The following PLBD1 variants were observed in gnomAD, a reference collection of about 807,000 sequenced individuals.
PLBD1 encodes phospholipase B domain containing 1, also known as lysosomal leucine aminopeptidase.
A neutral mutation model predicts 63.0 loss-of-function variants in PLBD1; 60 were observed. The observed-to-expected ratio is 0.95, with a 90% CI of 0.77 to 1.18. PLBD1 has a LOEUF of 1.18. Ranked by LOEUF, PLBD1 falls within the 50% of genes most tolerant of loss-of-function variation. The pLI, the probability that PLBD1 is intolerant of heterozygous loss-of-function variation, is 0.00. For synonymous variants in PLBD1, 262 were observed against 248.0 expected, an observed-to-expected ratio of 1.06 and a Z score of -0.53; for missense variants, 598 against 677.9, an observed-to-expected ratio of 0.88 and a Z score of 1.31.
intron 1 of PLBD1, chr12:14,553,837 C>T (rs753702301): frequency 8.2e-5 from 16 of 195,010 alleles, no homozygotes; most frequent in Admixed American, 2.7e-4. Context: ...TTTGACTGAG[C>T]GCTCAGCTTC....
Position 14,511,252 on chromosome 12 carries a change from G to T in PLBD1, c.1186+8C>A. The T allele has an allele frequency of 6.4e-7, 1 of 1,568,910 alleles. No homozygotes were observed. Among genetic ancestry groups the T allele is most frequent in the South Asian group, 1.2e-5 (1 of 84,576 alleles). The stretch of plus-strand genomic sequence containing the variant: ...CAGGTTTTAAGACTTACGACATGAA[G>T]AAAGTACCTTTCCGTAGAACATCAG... On this transcript the variant is annotated splice_region_variant and intron_variant, in intron 8 of 10. Coordinates refer to ENST00000240617, the MANE Select transcript of PLBD1 (RefSeq NM_024829.6).
intron 10 of PLBD1, among the ~76,000 whole-genome samples, chr12:14,505,749 T>C (rs1945249689): frequency 6.6e-6 from 1 of 152,278 alleles, no homozygotes; most frequent in Non-Finnish European, 1.5e-5. Context: ...GGAATCGCAC[T>C]GCTTGAATAA....
intron 10 of PLBD1, among the ~76,000 whole-genome samples, chr12:14,504,293 G>A (rs12423625): frequency 0.017 from 2,586 of 152,054 alleles, 133 homozygotes; most frequent in Admixed American, 0.09. Flanking sequence ...CAGGTGATCC[G>A]CCCGCCTCAG....
rs563107018 is a variant in PLBD1 at position 14,536,934 on chromosome 12, C to A, written c.559-224G>T. Among the ~76,000 whole-genome samples, 18 of 151,794 alleles carry A rather than the reference C, an allele frequency of 1.2e-4. No individual in the cohort carries two copies. The highest frequency in any genetic ancestry group is 2.4e-4 in the Non-Finnish European group (16 of 67,910). On this transcript the variant is annotated intron_variant, in intron 4 of 10. Transcript: ENST00000240617. ...CAAAACCCTGTCTCTACTGAAAATA[C>A]AAAAATTAGTTGGGCGTGGTGGCGG...
At chr12:14,520,665 C>G (rs1395255392) in intron 6 of PLBD1, among the ~76,000 whole-genome samples, 1 of 152,220 alleles carries the variant, frequency 6.6e-6, no homozygotes, top group African/African-American at 2.4e-5. Context: ...AGCATGGAGA[C>G]TTGGGATGGC....
Position 14,548,637 on chromosome 12 carries a change from A to G in PLBD1, c.335+4556T>C, listed in dbSNP as rs546706224. Among the ~76,000 whole-genome samples, 31 of 152,226 alleles carry G rather than the reference A, an allele frequency of 2.0e-4. 1 individual carries two copies. The highest frequency in any genetic ancestry group is 3.8e-4 in the Non-Finnish European group (26 of 68,004). On this transcript the variant is annotated intron_variant, in intron 2 of 10. Transcript: ENST00000240617. Reference sequence around the variant, plus strand: ...GTCCCACCACTGACTACTTTCTCTAATTGTGCCGTGACCTTAGTAGAACCT... The same window carrying G: ...GTCCCACCACTGACTACTTTCTCTAGTTGTGCCGTGACCTTAGTAGAACCT...
intron 8 of PLBD1, among the ~76,000 whole-genome samples, chr12:14,509,379 CTCT>C (rs1301005156): frequency 2.0e-5 from 3 of 152,154 alleles, no homozygotes; most frequent in Non-Finnish European, 2.9e-5. Flanking sequence ...GCATCTCTCT[CTCT>C]TGAGGCATGC....
intron 1 of PLBD1, 132 bp downstream of exon 1, chr12:14,567,450 G>A (rs1158422062): frequency 1.6e-6 from 2 of 1,263,540 alleles, no homozygotes; most frequent in African/African-American, 1.6e-5. Context: ...CCGGCCGGAG[G>A]CGCGTTTCTC....
At chr12:14,549,666 C>T (rs374740801) in intron 2 of PLBD1, among the ~76,000 whole-genome samples, 2 of 151,944 alleles carry the variant, frequency 1.3e-5, no homozygotes, top group African/African-American at 4.8e-5. Flanking sequence ...CTCCTCGGTC[C>T]TTGTTTTTGG....
chr12:14,531,798 AT>A (rs759462179), intron 6 of PLBD1, among the ~76,000 whole-genome samples: 6 of 151,984 alleles, frequency 3.9e-5, no homozygotes, highest in Admixed American at 1.3e-4. Context: ...CACTCGGCTG[AT>A]TTTTTTGTAT....
chr12:14,506,580 C>CA (rs956297198), intron 9 of PLBD1, among the ~76,000 whole-genome samples: 10 of 151,550 alleles, frequency 6.6e-5, no homozygotes, highest in Middle Eastern at 3.2e-3. Context: ...GCTGTTCATA[C>CA]AAAAAAAATG....
intron 4 of PLBD1, 44 bp downstream of exon 4, chr12:14,540,720 T>C: frequency 6.6e-7 from 1 of 1,509,966 alleles, no homozygotes; most frequent in Non-Finnish European, 9.0e-7. Flanking sequence ...TTCAATATTC[T>C]TACCATACTC....
intron 6 of PLBD1, 137 bp from the exon 7 acceptor site, chr12:14,511,848 TC>T: frequency 1.2e-6 from 1 of 846,686 alleles, no homozygotes; most frequent in Non-Finnish European, 1.8e-6. Flanking sequence ...TGCAGTAGCC[TC>T]CCCCAGCTTT....
At chr12:14,561,835 C>T (rs1335592938) in intron 1 of PLBD1, among the ~76,000 whole-genome samples, 5 of 152,134 alleles carry the variant, frequency 3.3e-5, no homozygotes, top group East Asian at 1.9e-4. Flanking sequence ...GGATTACAGG[C>T]GTGAGCCACT....
chr12:14,517,956 G>A (rs1376564234), intron 6 of PLBD1, among the ~76,000 whole-genome samples: 1 of 152,132 alleles, frequency 6.6e-6, no homozygotes, highest in East Asian at 1.9e-4. Context: ...TGAGGCAGGC[G>A]GATCACTTGA....
In PLBD1 at chr12:14,551,436, A is replaced by AT. The variant is rs578150694; in HGVS notation, c.335+1756dup. ...ATTATTAGAATGGCTTTTTCTATAG[A>AT]TTTTTTTTGGCTAGTGGATAAAGTT... On this transcript the variant is annotated intron_variant, in intron 2 of 10. Transcript: ENST00000240617. 3.6e-3 allele frequency among the ~76,000 whole-genome samples: 544 copies of AT among 152,184 alleles called. 2 individuals are homozygous for AT. The highest frequency in any genetic ancestry group is 0.012 in the African/African-American group (496 of 41,530).
At chr12:14,507,709 G>A (rs1289100796) in intron 8 of PLBD1, among the ~76,000 whole-genome samples, 1 of 152,112 alleles carries the variant, frequency 6.6e-6, no homozygotes. Context: ...AATGTAAGGG[G>A]ATTGGGGATG....
rs901860323 is a variant in PLBD1 at position 14,507,103 on chromosome 12, T to C, written c.1202A>G (p.Tyr401Cys). 6.2e-7 allele frequency: 1 copy of C among 1,607,822 alleles called. No individual in the cohort carries two copies. Among genetic ancestry groups the C allele is most frequent in the South Asian group, 1.1e-5 (1 of 90,506 alleles). ...DVLRKGYWPSYNVPFHEKIYN... is the reference protein window; with the variant it reads ...DVLRKGYWPSCNVPFHEKIYN... ...GATTTTTTCATGGAAAGGAACATTG[T>C]AGGAGGGCCAATATCCTGATTTGGA... The change falls in exon 9 of 11, where the codon TAC (tyrosine) becomes TGC (cysteine). Residue 401 changes from tyrosine (Y) to cysteine (C), a missense_variant. Coordinates refer to ENST00000240617, the MANE Select transcript of PLBD1 (RefSeq NM_024829.6).
At chr12:14,561,170 T>C (rs1945740154) in intron 1 of PLBD1, among the ~76,000 whole-genome samples, 1 of 150,210 alleles carries the variant, frequency 6.7e-6, no homozygotes, top group African/African-American at 2.5e-5. Context: ...CAGGACACAC[T>C]AGATAAGTAG....
Sources: allele counts gnomAD v4.1 joint callset (sites outside exome capture counted in the v4.1 genomes callset), GRCh38; gene constraint gnomAD v4.1.1; transcripts MANE v1.5; gene names NCBI Gene and HGNC (gene_info 2026-07-23, HGNC 2026-07-21).